TG: variants seen among roughly 807,000 people sequenced by gnomAD.
TG encodes the protein thyroglobulin.
A neutral mutation model predicts 324.7 loss-of-function variants in TG; 270 were observed. The ratio of observed to expected loss-of-function variants is 0.83; its 90% CI spans 0.75 to 0.92. TG has a LOEUF of 0.92. Ranked by LOEUF, TG falls within the 40% of genes least tolerant of loss-of-function variation. TG has a pLI of 0.00. For synonymous variants in TG, 1,401 were observed against 1,327.0 expected, an observed-to-expected ratio of 1.06 and a Z score of -1.21; for missense variants, 3,591 against 3,456.4, an observed-to-expected ratio of 1.04 and a Z score of -0.98.
At chr8:132,985,087 C>T (rs764804131) in intron 35 of TG, among the ~76,000 whole-genome samples, 1 of 152,148 alleles carries the variant, frequency 6.6e-6, no homozygotes, top group Non-Finnish European at 1.5e-5. Flanking sequence ...TTACAGTTGG[C>T]CTGCTCTATG....
intron 35 of TG, among the ~76,000 whole-genome samples, chr8:133,008,321 C>T (rs907069215): frequency 1.3e-5 from 2 of 152,044 alleles, no homozygotes. Flanking sequence ...ATGGTTTAAG[C>T]AGGATGGAGG....
intron 17 of TG, among the ~76,000 whole-genome samples, chr8:132,907,558 C>T (rs1424311071): frequency 1.3e-5 from 2 of 152,172 alleles, no homozygotes; most frequent in Non-Finnish European, 2.9e-5. Context: ...TGTCACAAGG[C>T]TCTGGGTGGA....
chr8:132,869,190 G>A (rs1038386917), intron 2 of TG, among the ~76,000 whole-genome samples: 2 of 152,144 alleles, frequency 1.3e-5, no homozygotes, highest in Non-Finnish European at 2.9e-5. Flanking sequence ...TGCATATGCT[G>A]TTCCCTTTAC....
intron 32 of TG, 114 bp downstream of exon 32, chr8:132,969,683 T>C: frequency 1.1e-5 from 9 of 796,078 alleles, no homozygotes; most frequent in Non-Finnish European, 2.0e-5. Flanking sequence ...GAGGCCGAGC[T>C]GGGCTGATCA....
chr8:132,976,051 G>C (rs75371489), intron 34 of TG, among the ~76,000 whole-genome samples: 2 of 152,164 alleles, frequency 1.3e-5, no homozygotes, highest in African/African-American at 2.4e-5. Context: ...GTGTAGTGAG[G>C]AAAATATGAG....
rs1269687493 is a variant in TG at position 132,972,623 on chromosome 8, G to A, written c.6081G>A (p.Leu2027=). 6.3e-7 allele frequency: 1 copy of A among 1,578,284 alleles called. No homozygotes were observed. The change falls in exon 34 of 48, where the codon CTG becomes CTA. Residue 2027 remains leucine (L), a synonymous_variant. Transcript: ENST00000220616. The part of the protein sequence containing the change: ...LKGGEVTCLT[L]NSLGIQMCSE... ...GAGGAGAGGTGACATGTCTCACTCTGAACAGCTTGGGAATTCAGATGTGCA... is the reference window on the plus strand; with the variant it reads ...GAGGAGAGGTGACATGTCTCACTCTAAACAGCTTGGGAATTCAGATGTGCA...
At chr8:132,876,275 G>A (rs987246141) in intron 5 of TG, among the ~76,000 whole-genome samples, 3 of 152,116 alleles carry the variant, frequency 2.0e-5, no homozygotes, top group Admixed American at 2.0e-4. Flanking sequence ...TATTTACCAG[G>A]TGGAATCCAC....
chr8:133,091,805 T>A (rs925675411), intron 41 of TG, among the ~76,000 whole-genome samples: 2 of 152,102 alleles, frequency 1.3e-5, no homozygotes, highest in Non-Finnish European at 2.9e-5. Flanking sequence ...TGGGTCTCCC[T>A]GTGTCCATGA....
At chr8:132,980,483 C>G (rs538525945) in intron 34 of TG, among the ~76,000 whole-genome samples, 20 of 152,142 alleles carry the variant, frequency 1.3e-4, no homozygotes, top group African/African-American at 4.8e-4. Flanking sequence ...TCCTATGCAC[C>G]CCTTCCTTTT....
chr8:132,914,641 G>C (rs145402168), intron 20 of TG, among the ~76,000 whole-genome samples: 24 of 152,366 alleles, frequency 1.6e-4, no homozygotes, highest in East Asian at 3.9e-4. Context: ...TGGGGCATCT[G>C]TCATGCCTGG....
At chr8:132,867,530 T>G (rs932420269) in intron 1 of TG, among the ~76,000 whole-genome samples, 12 of 152,004 alleles carry the variant, frequency 7.9e-5, no homozygotes, top group South Asian at 2.1e-4. Context: ...TCTGTTTTTT[T>G]TTTTTTTTTT....
intron 24 of TG, among the ~76,000 whole-genome samples, chr8:132,934,054 A>T (rs35334722): frequency 6.6e-6 from 1 of 151,826 alleles, no homozygotes; most frequent in Admixed American, 6.6e-5. Flanking sequence ...TCGTGGTTGG[A>T]GGGCACGGTG....
In TG at chr8:132,965,466, T is replaced by C. The variant is rs527538268; in HGVS notation, c.5549-1094T>C. Among the ~76,000 whole-genome samples the C allele has an allele frequency of 3.9e-5, 6 of 152,310 alleles. No individual in the cohort carries two copies. In the South Asian group the frequency reaches 1.2e-3, roughly 32 times the overall value. On this transcript the variant is annotated intron_variant, in intron 29 of 47. Transcript: ENST00000220616. Reference sequence around the variant, plus strand: ...AAGTCCACAGCAAAGTGGAGGTATATATGGGATGTAGTGCCCCTTATACAG... The same window carrying C: ...AAGTCCACAGCAAAGTGGAGGTATACATGGGATGTAGTGCCCCTTATACAG...
intron 41 of TG, among the ~76,000 whole-genome samples, chr8:133,082,106 A>ATGTGGTG (rs1340831436): frequency 6.6e-6 from 1 of 152,174 alleles, no homozygotes; most frequent in African/African-American, 2.4e-5. Flanking sequence ...CTTCCCATGT[A>ATGTGGTG]TGTGGTGTAT....
At chr8:133,049,064 T>C in intron 41 of TG, 1 of 436,886 alleles carries the variant, frequency 2.3e-6, no homozygotes, top group Non-Finnish European at 4.6e-6. Context: ...ATAATGTAAC[T>C]CCAGGAGGTG....
intron 5 of TG, among the ~76,000 whole-genome samples, chr8:132,881,403 T>C (rs1301763132): frequency 6.6e-6 from 1 of 152,188 alleles, no homozygotes; most frequent in Non-Finnish European, 1.5e-5. Context: ...TTCAAGCTTT[T>C]GAAAAGTCGT....
intron 41 of TG, among the ~76,000 whole-genome samples, chr8:133,041,840 T>G (rs1329194992): frequency 6.2e-5 from 9 of 145,752 alleles, no homozygotes; most frequent in African/African-American, 2.3e-4. Context: ...CAGGCTGGAG[T>G]GCAGTGGTGT....
rs777075341 is a variant in TG at position 132,971,810 on chromosome 8, C to T, written c.5992C>T (p.Arg1998Ter). 15 of 1,613,236 alleles carry T rather than the reference C, an allele frequency of 9.3e-6. No homozygotes were observed. Among genetic ancestry groups the T allele is most frequent in the Middle Eastern group, 1.6e-4 (1 of 6,080 alleles). ...CTATGCCAGGTTCTTTGAATGTGAACGACGGTGCGATGCGGACCCATGCTG... is the reference window on the plus strand; with the variant it reads ...CTATGCCAGGTTCTTTGAATGTGAATGACGGTGCGATGCGGACCCATGCTG... ...SISNGFFECE[R>*]RCDADPCCTG... The change falls in exon 33 of 48, where the codon CGA (arginine) becomes TGA (stop). Residue 1998 changes from arginine (R) to a stop codon, truncating the protein, a stop_gained. Transcript: ENST00000220616. LOFTEE classifies it high-confidence loss of function.
intron 35 of TG, among the ~76,000 whole-genome samples, chr8:133,008,412 G>T (rs973078812): frequency 1.3e-5 from 2 of 151,938 alleles, no homozygotes; most frequent in African/African-American, 4.8e-5. Flanking sequence ...AAGTACTCAC[G>T]ATGCGATAAG....
Sources: allele counts gnomAD v4.1 joint callset (sites outside exome capture counted in the v4.1 genomes callset), GRCh38; gene constraint gnomAD v4.1.1; transcripts MANE v1.5; gene names NCBI Gene and HGNC (gene_info 2026-07-23, HGNC 2026-07-21).